SVOPL: variants seen among roughly 807,000 people sequenced by gnomAD.
SVOPL encodes SVOP like.
A neutral mutation model predicts 61.0 loss-of-function variants in SVOPL; 60 were observed. The ratio of observed to expected loss-of-function variants is 0.98; its 90% CI spans 0.80 to 1.22. The LOEUF (loss-of-function observed/expected upper bound fraction) is 1.22, where lower values mean the gene tolerates loss of function less well. Among genes scored for constraint, SVOPL ranks in the 50% most tolerant of loss-of-function variants. The probability of loss-of-function intolerance (pLI) is 0.00; values close to 1 mark genes in which losing one functional copy is unlikely to be tolerated. For synonymous variants in SVOPL, 279 were observed against 250.0 expected, an observed-to-expected ratio of 1.12 and a Z score of -1.09; for missense variants, 662 against 643.9, an observed-to-expected ratio of 1.03 and a Z score of -0.30.
intron 14 of SVOPL, among the ~76,000 whole-genome samples, chr7:138,616,821 C>T (rs573484117): frequency 6.6e-6 from 1 of 152,274 alleles, no homozygotes; most frequent in Non-Finnish European, 1.5e-5. Flanking sequence ...GAGTCTTACT[C>T]TGTTGTCCAG....
intron 1 of SVOPL, among the ~76,000 whole-genome samples, chr7:138,680,431 GA>G (rs879630376): frequency 1.3e-5 from 2 of 152,148 alleles, no homozygotes; most frequent in Non-Finnish European, 2.9e-5. Context: ...TTACAGGCGT[GA>G]GCCACCATGC....
intron 14 of SVOPL, among the ~76,000 whole-genome samples, chr7:138,609,935 G>A (rs192190726): frequency 6.6e-6 from 1 of 152,140 alleles, no homozygotes; most frequent in East Asian, 1.9e-4. Context: ...TGCCATGTTG[G>A]CCAGGCTGGT....
At chr7:138,667,865 A>G (rs1411054681) in intron 4 of SVOPL, among the ~76,000 whole-genome samples, 1 of 152,176 alleles carries the variant, frequency 6.6e-6, no homozygotes, top group Non-Finnish European at 1.5e-5. Flanking sequence ...CTTTGGGAGT[A>G]ACTTACTTTA....
chr7:138,610,500 T>C (rs1798952241), intron 14 of SVOPL, among the ~76,000 whole-genome samples: 1 of 152,244 alleles, frequency 6.6e-6, no homozygotes, highest in Admixed American at 6.5e-5. Context: ...TCAATTCTAC[T>C]TTGTAGGTTT....
At chr7:138,601,774 A>G (rs181781220) in intron 14 of SVOPL, among the ~76,000 whole-genome samples, 86 of 152,308 alleles carry the variant, frequency 5.6e-4, no homozygotes, top group Admixed American at 2.3e-3. Context: ...GACTTTTTCT[A>G]CAGAATTCTG....
rs770404185 is a variant in SVOPL, at chr7:138,615,560, C to CAAAAAAAAA, written c.1353+5477_1353+5485dup. Among the ~76,000 whole-genome samples the CAAAAAAAAA allele has an allele frequency of 2.2e-3, 12 of 5,544 alleles. 1 individual carries two copies. Among genetic ancestry groups the CAAAAAAAAA allele is most frequent in the African/African-American group, 3.6e-3 (11 of 3,016 alleles). The allele number at this position is 5,544 out of a possible 152,430, so 3.6% of individuals were successfully genotyped here. On this transcript the variant is annotated intron_variant, in intron 14 of 15. Transcript: ENST00000674285. Reference sequence around the variant, plus strand: ...GGGTGACAGAGCGAGACTCCGTCTCCAAAAAAAAAAAAAAAAAAAAAAAAA... The same window carrying CAAAAAAAAA: ...GGGTGACAGAGCGAGACTCCGTCTCCAAAAAAAAAAAAAAAAAAAAAAAAAAAAAAAAAA...
chr7:138,601,028 G>A (rs1004998631), intron 14 of SVOPL, among the ~76,000 whole-genome samples: 9 of 151,808 alleles, frequency 5.9e-5, no homozygotes, highest in African/African-American at 2.2e-4. Context: ...GAGGCGGGTG[G>A]ATCACAAGGT....
chr7:138,649,179 T>G, intron 7 of SVOPL, 42 bp from the exon 8 acceptor site: 1 of 1,516,074 alleles, frequency 6.6e-7, no homozygotes, highest in African/African-American at 1.5e-5. Context: ...TTTGGGGAAT[T>G]ATGACAATGA....
chr7:138,622,308 A>ATCTATCTATCTATCTATCTATCTATCTG (rs1563096950), intron 13 of SVOPL, among the ~76,000 whole-genome samples: 4 of 148,266 alleles, frequency 2.7e-5, no homozygotes, highest in African/African-American at 9.9e-5. Flanking sequence ...CTATCTATCT[A>ATCTATCTATCTATCTATCTATCTATCTG]TCTATCGACA....
intron 14 of SVOPL, among the ~76,000 whole-genome samples, chr7:138,606,978 A>C (rs1798786308): frequency 6.6e-6 from 1 of 151,504 alleles, no homozygotes; most frequent in Admixed American, 6.6e-5. Flanking sequence ...AAACAAAAAA[A>C]GAATTCTATG....
At chr7:138,629,967 T>C in intron 10 of SVOPL, 82 bp downstream of exon 10, 1 of 1,089,400 alleles carries the variant, frequency 9.2e-7, no homozygotes, top group South Asian at 1.3e-5. Context: ...TTCTCCCCAG[T>C]GGCACTCACA....
chr7:138,634,601 T>C (rs1286389586), intron 9 of SVOPL, among the ~76,000 whole-genome samples: 1 of 151,944 alleles, frequency 6.6e-6, no homozygotes, highest in African/African-American at 2.4e-5. Context: ...TGAGCCAAGG[T>C]CACACCACTG....
At chr7:138,681,948 C>A (rs1323679181) in intron 1 of SVOPL, among the ~76,000 whole-genome samples, 1 of 152,152 alleles carries the variant, frequency 6.6e-6, no homozygotes, top group Non-Finnish European at 1.5e-5. Context: ...TCCCTTTGTT[C>A]ACAGTAATAC....
intron 14 of SVOPL, among the ~76,000 whole-genome samples, chr7:138,598,782 A>G (rs902824044): frequency 1.3e-5 from 2 of 152,236 alleles, no homozygotes; most frequent in African/African-American, 4.8e-5. Flanking sequence ...AATAGGAACA[A>G]AAATAGAATA....
At chr7:138,647,868 T>A (rs6467786) in intron 8 of SVOPL, among the ~76,000 whole-genome samples, 1,518 of 94,184 alleles carry the variant, frequency 0.016, 47 homozygotes, top group East Asian at 0.1. Flanking sequence ...AAAAAAAAAA[T>A]AGTCACATGC....
intron 4 of SVOPL, among the ~76,000 whole-genome samples, chr7:138,667,026 G>A (rs1250362734): frequency 6.6e-6 from 1 of 152,022 alleles, no homozygotes; most frequent in Admixed American, 6.6e-5. Flanking sequence ...GTGGTCTTTG[G>A]GACAACAAGT....
Position 138,649,914 on chromosome 7 carries a change from C to G in SVOPL, c.535-777G>C, listed in dbSNP as rs956430298. Among the ~76,000 whole-genome samples, 5 of 152,266 alleles carry G rather than the reference C, an allele frequency of 3.3e-5. No individual in the cohort carries two copies. The East Asian group carries it at 9.7e-4, about 29-fold the overall frequency. On this transcript the variant is annotated intron_variant, in intron 7 of 15. Transcript: ENST00000674285. ...TGGCACAATCTCAGCTCACTGCAAC[C>G]TCTGCCTCCCGGGTTCAAGCAATTC...
rs780475108 is a variant in SVOPL at position 138,628,262 on chromosome 7, AC to A, written c.964del (p.Val322Ter). ...CGSKSDSAVV[V>X]TGGDSGESQS... is the part of the protein sequence containing the mutation. ...GCTCTCCCCTGAGTCCCCCCCAGTC[AC>A]CACCACCGCAGAGTCTGACTTTGAA... On this transcript the variant is annotated frameshift_variant, in exon 11 of 16. Coordinates refer to ENST00000674285, the MANE Select transcript of SVOPL (RefSeq NM_001139456.2). LOFTEE classifies it high-confidence loss of function. 9 of 1,614,000 alleles carry A rather than the reference AC, an allele frequency of 5.6e-6. No individual in the cohort carries two copies. In the East Asian group the frequency reaches 1.8e-4, roughly 32 times the overall value.
intron 9 of SVOPL, among the ~76,000 whole-genome samples, chr7:138,638,291 A>G (rs373734490): frequency 5.2e-5 from 7 of 135,638 alleles, no homozygotes; most frequent in Non-Finnish European, 1.6e-5. Flanking sequence ...AAAAAAAAAA[A>G]AAGTATAAAA....
Sources: allele counts gnomAD v4.1 joint callset (sites outside exome capture counted in the v4.1 genomes callset), GRCh38; gene constraint gnomAD v4.1.1; transcripts MANE v1.5; gene names NCBI Gene and HGNC (gene_info 2026-07-23, HGNC 2026-07-21).